The following STARD9 variants were observed in gnomAD, a reference collection of about 807,000 sequenced individuals.
STARD9 encodes StAR related lipid transfer domain containing 9.
STARD9 carries 346 observed loss-of-function variants against 399.8 expected under a neutral mutation model. That is an observed-to-expected ratio of 0.87 (90% CI 0.79 to 0.95). STARD9 has a LOEUF of 0.95. Ranked by LOEUF, STARD9 falls within the 40% of genes least tolerant of loss-of-function variation. The probability of loss-of-function intolerance (pLI) is 0.00; values close to 1 mark genes in which losing one functional copy is unlikely to be tolerated. For missense variants in STARD9, 5,832 were observed against 5,667.5 expected (o/e 1.03, Z -0.93); for synonymous variants, 2,203 against 2,143.5 (o/e 1.03, Z -0.77).
chr15:42,694,442 A>T, intron 23 of STARD9, 86 bp from the exon 24 acceptor site: 1 of 1,523,878 alleles, frequency 6.6e-7, no homozygotes, highest in Non-Finnish European at 8.8e-7. Context: ...GCCCTGGTTC[A>T]TCTCTGGGAT....
intron 26 of STARD9, among the ~76,000 whole-genome samples, chr15:42,703,909 C>T (rs983228280): frequency 6.6e-6 from 1 of 151,674 alleles, no homozygotes; most frequent in Non-Finnish European, 1.5e-5. Flanking sequence ...TTATTATTTA[C>T]TTATTTATTT....
chr15:42,713,223 C>T (rs538709234), intron 26 of STARD9, among the ~76,000 whole-genome samples: 6 of 152,148 alleles, frequency 3.9e-5, no homozygotes, highest in Non-Finnish European at 5.9e-5. Context: ...GTTTTCACTT[C>T]ATTTTCAGTT....
At chr15:42,656,169 C>T (rs2059864961) in intron 9 of STARD9, among the ~76,000 whole-genome samples, 1 of 151,448 alleles carries the variant, frequency 6.6e-6, no homozygotes, top group Non-Finnish European at 1.5e-5. Flanking sequence ...CAGCCTGGCC[C>T]ACATGGCGAA....
Position 42,585,511 on chromosome 15 carries a change from T to C in STARD9, c.118-10T>C. Reference sequence around the variant, plus strand: ...ATAGAAAAGACACTGGATCCTATGTTTGATTTTAGGTGGACAATCGACCAG... The same window carrying C: ...ATAGAAAAGACACTGGATCCTATGTCTGATTTTAGGTGGACAATCGACCAG... On this transcript the variant is annotated splice_polypyrimidine_tract_variant and intron_variant, in intron 2 of 32. Transcript: ENST00000290607. 6.5e-7 allele frequency: 1 copy of C among 1,530,486 alleles called. No homozygotes were observed. The highest frequency in any genetic ancestry group is 8.8e-7 in the Non-Finnish European group (1 of 1,140,844). 94.8% of individuals were successfully genotyped at this position (1,530,486 alleles called of 1,614,324 possible).
rs2060667046 is a variant in STARD9, at chr15:42,690,551, A to G, written c.8973A>G (p.Pro2991=). ...GGAAGGAGCCTTTCAAGGCTGCCCC[A>G]CATACTATCCACCCACCCTGTGTAG... is the stretch of plus-strand genomic sequence containing the variant. The part of the protein sequence containing the change: ...DLGKEPFKAA[P]HTIHPPCVVP... Residue 2991 remains proline, a synonymous_variant, in exon 23 of 33, where the codon CCA becomes CCG. Coordinates refer to ENST00000290607, the MANE Select transcript of STARD9 (RefSeq NM_020759.3). The G allele has an allele frequency of 6.5e-7, 1 of 1,537,152 alleles. No homozygotes were observed. Among genetic ancestry groups the G allele is most frequent in the Non-Finnish European group, 8.7e-7 (1 of 1,146,880 alleles).
At chr15:42,652,226 C>G (rs1318227115) in intron 8 of STARD9, among the ~76,000 whole-genome samples, 3 of 151,912 alleles carry the variant, frequency 2.0e-5, no homozygotes, top group Non-Finnish European at 4.4e-5. Context: ...TGATGACGCT[C>G]TAGTCTTCAT....
At chr15:42,640,419 C>G (rs2059510558) in intron 7 of STARD9, among the ~76,000 whole-genome samples, 1 of 152,162 alleles carries the variant, frequency 6.6e-6, no homozygotes, top group African/African-American at 2.4e-5. Flanking sequence ...TGCTAGGAAC[C>G]AGTTTAAGTT....
At chr15:42,592,736 A>AGTGCCCGG (rs2058426451) in intron 3 of STARD9, among the ~76,000 whole-genome samples, 2 of 151,880 alleles carry the variant, frequency 1.3e-5, no homozygotes, top group African/African-American at 4.8e-5. Context: ...GAGCCACCAC[A>AGTGCCCGG]CCCAGCCAGC....
intron 3 of STARD9, among the ~76,000 whole-genome samples, chr15:42,615,934 A>T (rs2058954824): frequency 2.0e-5 from 3 of 152,230 alleles, no homozygotes; most frequent in Admixed American, 6.5e-5. Flanking sequence ...AACAAAGACC[A>T]CAAAAATCCT....
chr15:42,643,028 GTT>G (rs527811310), intron 7 of STARD9, among the ~76,000 whole-genome samples: 3 of 141,318 alleles, frequency 2.1e-5, no homozygotes, highest in Admixed American at 7.1e-5. Context: ...AGAAGAACCA[GTT>G]TTTTTTTTTT....
intron 3 of STARD9, among the ~76,000 whole-genome samples, chr15:42,597,568 G>C (rs999645728): frequency 1.3e-5 from 2 of 151,550 alleles, no homozygotes; most frequent in Non-Finnish European, 2.9e-5. Context: ...ATAGAGTCTC[G>C]CTCTGTTGCC....
Position 42,688,628 on chromosome 15 carries a change from T to C in STARD9, c.7050T>C (p.Pro2350=). 6.5e-7 allele frequency: 1 copy of C among 1,537,594 alleles called. No individual in the cohort carries two copies. Among genetic ancestry groups the C allele is most frequent in the Non-Finnish European group, 8.7e-7 (1 of 1,146,984 alleles). ...GGCCAAGAAGGTGTCTTCATGTACCTGTTGCTCTAGGCATCTCTTCACTTG... is the reference window on the plus strand; with the variant it reads ...GGCCAAGAAGGTGTCTTCATGTACCCGTTGCTCTAGGCATCTCTTCACTTG... The part of the protein sequence containing the change: ...PRWPRRCLHV[P]VALGISSLDC... The change falls in exon 23 of 33, where the codon CCT becomes CCC. Residue 2350 remains proline (P), a synonymous_variant. Coordinates refer to ENST00000290607, the MANE Select transcript of STARD9 (RefSeq NM_020759.3).
At chr15:42,663,246 CTTCT>C (rs772862504) in intron 11 of STARD9, 31 bp from the exon 12 acceptor site, 7 of 1,505,902 alleles carry the variant, frequency 4.6e-6, no homozygotes, top group Non-Finnish European at 6.2e-6. Context: ...TTCATAATTC[CTTCT>C]TTCTTCCATT....
At chr15:42,620,726 C>CATTTT (rs1289189860) in intron 3 of STARD9, among the ~76,000 whole-genome samples, 1,384 of 130,244 alleles carry the variant, frequency 0.011, 22 homozygotes, top group African/African-American at 0.034. Context: ...GTAGAATGTC[C>CATTTT]CTTTTATTTT....
intron 3 of STARD9, among the ~76,000 whole-genome samples, chr15:42,602,288 C>A (rs569228768): frequency 1.3e-5 from 2 of 152,238 alleles, no homozygotes; most frequent in South Asian, 4.2e-4. Flanking sequence ...TGATAATTTA[C>A]TATGAAATAT....
Position 42,634,950 on chromosome 15 carries a change from C to A in STARD9, c.329C>A (p.Thr110Lys). 6.5e-7 allele frequency: 1 copy of A among 1,536,204 alleles called. No individual in the cohort carries two copies. The highest frequency in any genetic ancestry group is 8.7e-7 in the Non-Finnish European group (1 of 1,146,110). ...FAYGQTGSGK[T>K]YTMLGTPASV... ...TATGGACAGACAGGCTCTGGGAAGA[C>A]ATATACCATGCTGGGGACCCCAGTG... Residue 110 changes from threonine (T) to lysine (K), a missense_variant, in exon 4 of 33, where the codon ACA (threonine) becomes AAA (lysine). Around this residue, in one of 2 missense-constraint regions of STARD9, gnomAD observed 5,828 missense variants for 5,651.1 expected, o/e 1.03. Coordinates refer to ENST00000290607, the MANE Select transcript of STARD9 (RefSeq NM_020759.3).
At position 42,664,357 on chromosome 15, in the gene STARD9, GT is replaced by G. The variant is rs1377009618; in HGVS notation, c.1176+445del. Among the ~76,000 whole-genome samples the G allele has an allele frequency of 2.0e-5, 3 of 152,152 alleles. No individual in the cohort carries two copies. The East Asian group carries it at 5.8e-4, about 29-fold the overall frequency. On this transcript the variant is annotated intron_variant, in intron 13 of 32. Coordinates refer to ENST00000290607, the MANE Select transcript of STARD9 (RefSeq NM_020759.3). ...TGAATTTATGTTGATTTATTCCTGT[GT>G]TTTTGTATTTGTTTGCCTGTTTTGA...
chr15:42,716,779 G>C lies in STARD9; in HGVS notation c.13372+15G>C. Reference sequence around the variant, plus strand: ...CTCTGCCTACAGTGAGTTGCGGGGAGTGTTGGGCATAGCCAGCTGCCTGGT... The same window carrying C: ...CTCTGCCTACAGTGAGTTGCGGGGACTGTTGGGCATAGCCAGCTGCCTGGT... On this transcript the variant is annotated intron_variant, in intron 27 of 32. Coordinates refer to ENST00000290607, the MANE Select transcript of STARD9 (RefSeq NM_020759.3). 6.5e-7 allele frequency: 1 copy of C among 1,533,742 alleles called. No homozygotes were observed. Among genetic ancestry groups the C allele is most frequent in the Non-Finnish European group, 8.7e-7 (1 of 1,143,808 alleles).
chr15:42,620,587 A>AT (rs1175168919), intron 3 of STARD9, among the ~76,000 whole-genome samples: 2 of 152,176 alleles, frequency 1.3e-5, no homozygotes, highest in Non-Finnish European at 2.9e-5. Context: ...CAGCAAAAAG[A>AT]TTAAGTTCAG....
Sources: gnomAD v4.1 joint callset for allele counts (sites outside exome capture counted in the v4.1 genomes callset) on GRCh38, gnomAD v4.1.1 for gene constraint, gnomAD v4.1.1 regional missense constraint, MANE v1.5 for transcripts, NCBI Gene and HGNC (gene_info 2026-07-23, HGNC 2026-07-21) for gene names.